ZFAT: variants seen among roughly 807,000 people sequenced by gnomAD.
The protein encoded by ZFAT is zinc finger and AT-hook domain containing, also known as zinc finger protein ZFAT.
A neutral mutation model predicts 117.7 loss-of-function variants in ZFAT; 64 were observed. That is an observed-to-expected ratio of 0.54 (90% CI 0.44 to 0.67). The LOEUF (loss-of-function observed/expected upper bound fraction) is 0.67. Ranked by LOEUF, ZFAT falls within the 30% of genes least tolerant of loss-of-function variation. The pLI is 0.00. For synonymous variants in ZFAT, 679 were observed against 615.0 expected, an observed-to-expected ratio of 1.10 and a Z score of -1.54; for missense variants, 1,433 against 1,584.5, an observed-to-expected ratio of 0.90 and a Z score of 1.62.
At chr8:134,717,096 G>A (rs1814220099), upstream of ZFAT, among the ~76,000 whole-genome samples, 1 of 152,162 alleles carries the variant, frequency 6.6e-6, no homozygotes, top group Admixed American at 6.5e-5. Flanking sequence ...ATGTCCTAAG[G>A]GAGTAGCTGA....
At chr8:134,807,862 T>A in the ZFAT span, among the ~76,000 whole-genome samples, 2 of 152,096 alleles carry the variant, frequency 1.3e-5, no homozygotes, top group African/African-American at 4.8e-5. Flanking sequence ...TTATCTAAAT[T>A]AATAAACTTA....
chr8:134,587,855 C>T (rs932639752), intron 9 of ZFAT, among the ~76,000 whole-genome samples: 5 of 152,180 alleles, frequency 3.3e-5, no homozygotes, highest in Non-Finnish European at 7.3e-5. Flanking sequence ...ACTTGCTGCC[C>T]TCCTTCCTTC....
At chr8:134,503,509 G>A (rs1228232825) in intron 15 of ZFAT, among the ~76,000 whole-genome samples, 1 of 152,162 alleles carries the variant, frequency 6.6e-6, no homozygotes, top group Non-Finnish European at 1.5e-5. Flanking sequence ...ACTTGACTGG[G>A]CCATGGGTGC....
chr8:134,659,340 G>C (rs778513570), intron 1 of ZFAT, among the ~76,000 whole-genome samples: 1 of 152,172 alleles, frequency 6.6e-6, no homozygotes, highest in Non-Finnish European at 1.5e-5. Flanking sequence ...CATAGTGAGG[G>C]GGACACAAGG....
intron 3 of ZFAT, among the ~76,000 whole-genome samples, chr8:134,628,883 G>T (rs1829699400): frequency 6.6e-6 from 1 of 152,178 alleles, no homozygotes; most frequent in Non-Finnish European, 1.5e-5. Flanking sequence ...AGAGAGGCAG[G>T]CCCATAGTAA....
At chr8:134,617,358 T>C (rs1351166402) in intron 3 of ZFAT, among the ~76,000 whole-genome samples, 1 of 152,208 alleles carries the variant, frequency 6.6e-6, no homozygotes, top group Non-Finnish European at 1.5e-5. Flanking sequence ...ATCCAAAATA[T>C]CTTGTTTTAG....
intron 12 of ZFAT, among the ~76,000 whole-genome samples, chr8:134,521,840 G>A (rs949541675): frequency 9.2e-5 from 14 of 152,318 alleles, no homozygotes; most frequent in Admixed American, 7.2e-4. Flanking sequence ...GCACCACCGG[G>A]CCGCCACCCT....
chr8:134,548,902 G>A (rs1029007472), intron 11 of ZFAT, among the ~76,000 whole-genome samples: 8 of 152,156 alleles, frequency 5.3e-5, no homozygotes, highest in Admixed American at 4.6e-4. Context: ...TGGAGCACTG[G>A]GCACTAGAGA....
chr8:134,777,971 T>G, the ZFAT span, among the ~76,000 whole-genome samples: 2 of 152,158 alleles, frequency 1.3e-5, no homozygotes, highest in African/African-American at 4.8e-5. Flanking sequence ...TCCAAGGAGC[T>G]ATTTCACTGT....
intron 3 of ZFAT, among the ~76,000 whole-genome samples, chr8:134,617,480 G>C (rs1416170788): frequency 1.3e-5 from 2 of 152,138 alleles, no homozygotes; most frequent in African/African-American, 4.8e-5. Context: ...GATATTTCTT[G>C]GACAATGATA....
chr8:134,780,623 T>C, the ZFAT span, among the ~76,000 whole-genome samples: 1 of 152,268 alleles, frequency 6.6e-6, no homozygotes. Context: ...TGTTTTAAGC[T>C]ACTTAACTTC....
At chr8:134,727,095 G>A in the ZFAT span, among the ~76,000 whole-genome samples, 1 of 150,136 alleles carries the variant, frequency 6.7e-6, no homozygotes, top group African/African-American at 2.5e-5. Context: ...CGCTAAACAA[G>A]CACAAGATAA....
At chr8:134,803,871 C>T in the ZFAT span, among the ~76,000 whole-genome samples, 1 of 152,120 alleles carries the variant, frequency 6.6e-6, no homozygotes. Flanking sequence ...CATGTAAATA[C>T]ATTAGATTGG....
At chr8:134,577,900 G>A (rs757434330) in intron 10 of ZFAT, among the ~76,000 whole-genome samples, 1 of 152,126 alleles carries the variant, frequency 6.6e-6, no homozygotes, top group Non-Finnish European at 1.5e-5. Context: ...GCCAAGGAGA[G>A]CAGCACAGGA....
intron 1 of ZFAT, among the ~76,000 whole-genome samples, chr8:134,687,622 CCT>C (rs759630781): frequency 5.9e-5 from 9 of 152,062 alleles, no homozygotes; most frequent in East Asian, 1.9e-4. Flanking sequence ...AGGAACACCC[CCT>C]GTCCCGCTGC....
At chr8:134,495,348 C>A (rs867092684) in intron 15 of ZFAT, among the ~76,000 whole-genome samples, 1 of 152,218 alleles carries the variant, frequency 6.6e-6, no homozygotes, top group Middle Eastern at 3.4e-3. Flanking sequence ...CTTATTAAGG[C>A]ACTCATCGCA....
chr8:134,492,738 C>G (rs1226949218), intron 15 of ZFAT, among the ~76,000 whole-genome samples: 1 of 152,132 alleles, frequency 6.6e-6, no homozygotes, highest in Non-Finnish European at 1.5e-5. Flanking sequence ...CAAACACAAT[C>G]CTGAATTTAT....
chr8:134,490,267 A>G (rs1817954777), intron 15 of ZFAT, among the ~76,000 whole-genome samples: 1 of 152,232 alleles, frequency 6.6e-6, no homozygotes, highest in Non-Finnish European at 1.5e-5. Flanking sequence ...AGGTGAGTGA[A>G]TGGTGAGCGT....
chr8:134,784,759 A>G, the ZFAT span: 2 of 152,222 alleles, frequency 1.3e-5, no homozygotes, highest in Non-Finnish European at 1.5e-5. Flanking sequence ...TTGTCAAAAT[A>G]TGACCAATAT....
Sources: gnomAD v4.1 joint callset for allele counts (sites outside exome capture counted in the v4.1 genomes callset) on GRCh38, gnomAD v4.1.1 for gene constraint, MANE v1.5 for transcripts, NCBI Gene and HGNC (gene_info 2026-07-23, HGNC 2026-07-21) for gene names.